Variants in GLIS3 observed in about 807,000 individuals in gnomAD.
GLIS3 encodes the protein GLIS family zinc finger 3, also known as zinc finger protein GLIS3.
GLIS3 carries 53 observed loss-of-function variants against 78.6 expected under a neutral mutation model. That is an observed-to-expected ratio of 0.67 (90% CI 0.54 to 0.85). The LOEUF is 0.85. Among genes scored for constraint, GLIS3 ranks in the 40% least tolerant of loss-of-function variants. The pLI, the probability that GLIS3 is intolerant of heterozygous loss-of-function variation, is 0.00. For missense variants in GLIS3, 1,703 were observed against 1,231.1 expected, an observed-to-expected ratio of 1.38 and a Z score of -5.74; for synonymous variants, 684 against 509.9, an observed-to-expected ratio of 1.34 and a Z score of -4.60.
the GLIS3 span, among the ~76,000 whole-genome samples, chr9:4,400,060 T>C: frequency 4.6e-5 from 7 of 152,174 alleles, no homozygotes; most frequent in African/African-American, 1.7e-4. Context: ...ATGAAGAACC[T>C]TGGAAGCCAT....
chr9:3,850,950 C>T (rs1588084298), intron 9 of GLIS3, among the ~76,000 whole-genome samples: 1 of 152,234 alleles, frequency 6.6e-6, no homozygotes, highest in African/African-American at 2.4e-5. Flanking sequence ...TTGACACCTT[C>T]TTCTGAATAA....
intron 1 of GLIS3, among the ~76,000 whole-genome samples, chr9:4,296,942 C>T (rs1816581134): frequency 6.8e-6 from 1 of 147,306 alleles, no homozygotes; most frequent in African/African-American, 2.5e-5. Flanking sequence ...TATAATCTAA[C>T]ACTCTCCTGT....
At chr9:4,158,325 T>A (rs75824329) in intron 2 of GLIS3, among the ~76,000 whole-genome samples, 1 of 152,198 alleles carries the variant, frequency 6.6e-6, no homozygotes, top group South Asian at 2.1e-4. Context: ...CCCTGATACA[T>A]GTGTCCAAAG....
chr9:4,195,978 A>T (rs914575185), intron 2 of GLIS3, among the ~76,000 whole-genome samples: 1 of 151,400 alleles, frequency 6.6e-6, no homozygotes, highest in African/African-American at 2.4e-5. Context: ...GTCTAGGTCA[A>T]GGTTTGTAAA....
chr9:4,098,447 A>G (rs1294006707), intron 4 of GLIS3, among the ~76,000 whole-genome samples: 1 of 152,200 alleles, frequency 6.6e-6, no homozygotes, highest in African/African-American at 2.4e-5. Flanking sequence ...TAACAGAAAC[A>G]TAACAAATGG....
At chr9:4,376,391 A>G in the GLIS3 span, among the ~76,000 whole-genome samples, 1 of 152,238 alleles carries the variant, frequency 6.6e-6, no homozygotes, top group African/African-American at 2.4e-5. Flanking sequence ...AATGGAAGAC[A>G]TTATTCAGTT....
chr9:4,051,249 T>G (rs997106216), intron 4 of GLIS3, among the ~76,000 whole-genome samples: 1 of 152,202 alleles, frequency 6.6e-6, no homozygotes, highest in Non-Finnish European at 1.5e-5. Flanking sequence ...ATTCAATTGC[T>G]TATTTCGAAT....
intron 4 of GLIS3, chr9:4,071,263 A>G (rs1272488964): frequency 2.6e-5 from 4 of 152,204 alleles, no homozygotes; most frequent in African/African-American, 9.6e-5. Context: ...CATTGGGCCA[A>G]TGTGAATAAA....
At chr9:4,096,970 C>T (rs1002802602) in intron 4 of GLIS3, among the ~76,000 whole-genome samples, 7 of 152,234 alleles carry the variant, frequency 4.6e-5, no homozygotes, top group Admixed American at 4.6e-4. Context: ...CGAGATCGTG[C>T]CACTGCACTC....
intron 4 of GLIS3, among the ~76,000 whole-genome samples, chr9:4,065,319 T>C (rs1171030601): frequency 6.6e-6 from 1 of 152,216 alleles, no homozygotes; most frequent in African/African-American, 2.4e-5. Flanking sequence ...CAAAGGATGA[T>C]TCAAGAGCAA....
At chr9:4,179,307 T>C (rs1227657155) in intron 2 of GLIS3, among the ~76,000 whole-genome samples, 3 of 152,322 alleles carry the variant, frequency 2.0e-5, no homozygotes, top group South Asian at 4.1e-4. Flanking sequence ...CCTGGAGACA[T>C]GCATGCATTT....
At chr9:4,111,865 C>T (rs4475548) in intron 4 of GLIS3, among the ~76,000 whole-genome samples, 37,279 of 152,004 alleles carry the variant, frequency 0.25, 5,261 homozygotes, top group South Asian at 0.39. Context: ...GGTGTTTCAG[C>T]CTCAAGAGAC....
chr9:3,888,136 A>G (rs1822199499), intron 7 of GLIS3, among the ~76,000 whole-genome samples: 1 of 152,178 alleles, frequency 6.6e-6, no homozygotes. Flanking sequence ...GCAGAAAAAA[A>G]GGAGAAAGAC....
chr9:4,077,000 C>G (rs975263012), intron 4 of GLIS3, among the ~76,000 whole-genome samples: 1 of 152,032 alleles, frequency 6.6e-6, no homozygotes, highest in Non-Finnish European at 1.5e-5. Context: ...TGGAGGTTGC[C>G]GTGAGCTGAG....
rs1015465010 is a variant in GLIS3, at chr9:3,965,655, A to C, written c.1711-28466T>G. ...ACATGTGCATGGGGAAGGCCAGTGC[A>C]GCAGAAGGAGTGGAAGGCGCTGCTT... On this transcript the variant is annotated intron_variant, in intron 4 of 10. Transcript: ENST00000381971. Among the ~76,000 whole-genome samples, 6 of 152,326 alleles carry C rather than the reference A, an allele frequency of 3.9e-5. No homozygotes were observed. The South Asian group carries it at 1.0e-3, about 26-fold the overall frequency.
chr9:4,195,493 G>T (rs1586941574), intron 2 of GLIS3, among the ~76,000 whole-genome samples: 2 of 152,218 alleles, frequency 1.3e-5, no homozygotes, highest in African/African-American at 2.4e-5. Flanking sequence ...CGGCCCGCCA[G>T]CACCGCGCTC....
At chr9:4,188,972 A>G (rs1296615020) in intron 2 of GLIS3, among the ~76,000 whole-genome samples, 3 of 151,804 alleles carry the variant, frequency 2.0e-5, no homozygotes, top group Non-Finnish European at 4.4e-5. Context: ...AATTTTCTGA[A>G]GGGTTTTTTG....
the GLIS3 span, among the ~76,000 whole-genome samples, chr9:4,380,651 T>C: frequency 6.6e-6 from 1 of 152,210 alleles, no homozygotes; most frequent in Non-Finnish European, 1.5e-5. Context: ...GCAAGCTACC[T>C]GGCTGATTCA....
At chr9:4,134,150 T>G (rs1833217202) in intron 2 of GLIS3, among the ~76,000 whole-genome samples, 1 of 152,190 alleles carries the variant, frequency 6.6e-6, no homozygotes, top group Admixed American at 6.5e-5. Flanking sequence ...CTGTTTTATA[T>G]AAGCCTGGCC....
Sources: gnomAD v4.1 joint callset for allele counts (sites outside exome capture counted in the v4.1 genomes callset) on GRCh38, gnomAD v4.1.1 for gene constraint, MANE v1.5 for transcripts, NCBI Gene and HGNC (gene_info 2026-07-23, HGNC 2026-07-21) for gene names.